Variants in PDCD1 observed in about 807,000 individuals in gnomAD.
The protein encoded by PDCD1 is programmed cell death 1, also known as programmed cell death protein 1.
In PDCD1, 10 loss-of-function variants were observed where a neutral mutation model predicts 23.6. The observed-to-expected ratio is 0.42, with a 90% CI of 0.26 to 0.72. The LOEUF (loss-of-function observed/expected upper bound fraction) is 0.72. PDCD1 is among the 30% of genes least tolerant of loss of function. The pLI is 0.24. For missense variants in PDCD1, 313 were observed against 397.8 expected, an observed-to-expected ratio of 0.79 and a Z score of 1.81; for synonymous variants, 168 against 169.3, an observed-to-expected ratio of 0.99 and a Z score of 0.06.
Position 241,852,296 on chromosome 2 carries a change from T to A in PDCD1, c.494A>T (p.Gln165Leu). 6.2e-7 allele frequency: 1 copy of A among 1,610,836 alleles called. No homozygotes were observed. The highest frequency in any genetic ancestry group is 8.5e-7 in the Non-Finnish European group (1 of 1,178,954). ...HPSPSPRPAGQFQTLVVGVVG... is the reference protein window; with the variant it reads ...HPSPSPRPAGLFQTLVVGVVG... Reference sequence around the variant, plus strand: ...GACACCAACCACCAGGGTTTGGAACTGGCCGGCTGGCCTGGGTGAGGGGCT... The same window carrying A: ...GACACCAACCACCAGGGTTTGGAACAGGCCGGCTGGCCTGGGTGAGGGGCT... Residue 165 changes from glutamine to leucine, a missense_variant, in exon 3 of 5, where the codon CAG (glutamine) becomes CTG (leucine). Physicochemically the swap from Gln to Leu is moderately radical, Grantham distance 113. Around this residue, in one of 3 missense-constraint regions of PDCD1, gnomAD observed 158 missense variants for 177.5 expected, o/e 0.89. Transcript: ENST00000334409.
Position 241,852,700 on chromosome 2 carries a change from G to A in PDCD1, c.357C>T (p.Gly119=). The change falls in exon 2 of 5, where the codon GGC becomes GGT. Residue 119 remains glycine (G), a synonymous_variant. Coordinates refer to ENST00000334409, the MANE Select transcript of PDCD1 (RefSeq NM_005018.3). ...SVVRARRNDS[G]TYLCGAISLA... ...GGGAGATGGCCCCACAGAGGTAGGT[G>A]CCGCTGTCATTGCGCCGGGCCCTGA... 1 of 1,613,604 alleles carries A rather than the reference G, an allele frequency of 6.2e-7. No individual in the cohort carries two copies. The highest frequency in any genetic ancestry group is 8.5e-7 in the Non-Finnish European group (1 of 1,179,882).
chr2:241,852,114 G>A, intron 3 of PDCD1, 84 bp downstream of exon 3: 1 of 1,505,300 alleles, frequency 6.6e-7, no homozygotes. Flanking sequence ...GTGGGGTGAG[G>A]GAAGGGTGGA....
intron 1 of PDCD1, among the ~76,000 whole-genome samples, chr2:241,855,547 C>T (rs1389440550): frequency 6.6e-6 from 1 of 152,192 alleles, no homozygotes; most frequent in Non-Finnish European, 1.5e-5. Flanking sequence ...GAGGGCTGTG[C>T]CCTATGCAGG....
chr2:241,858,771 C>T lies in PDCD1; in HGVS notation c.68G>A (p.Trp23Ter), dbSNP rs753651738. Residue 23 changes from tryptophan (W) to a stop codon, truncating the protein, a stop_gained, in exon 1 of 5, where the codon TGG (tryptophan) becomes TAG (stop). Coordinates refer to ENST00000334409, the MANE Select transcript of PDCD1 (RefSeq NM_005018.3). LOFTEE classifies it high-confidence loss of function. ...AVLQLGWRPG[W>*]FLDSPDRPWN... ...CCGCCGACCCCACCTACCTAAGAAC[C>T]ATCCTGGCCGCCAGCCCAGTTGTAG... 3 of 1,591,290 alleles carry T rather than the reference C, an allele frequency of 1.9e-6. No individual in the cohort carries two copies. The highest frequency in any genetic ancestry group is 2.3e-5 in the South Asian group (2 of 87,004).
chr2:241,858,650 C>G, intron 1 of PDCD1, 113 bp downstream of exon 1: 1 of 902,306 alleles, frequency 1.1e-6, no homozygotes, highest in Non-Finnish European at 1.8e-6. Flanking sequence ...TCCGGGACCC[C>G]TGGGCTGCCA....
At chr2:241,858,681 C>T in intron 1 of PDCD1, 82 bp downstream of exon 1, 4 of 1,248,754 alleles carry the variant, frequency 3.2e-6, no homozygotes, top group Non-Finnish European at 4.6e-6. Flanking sequence ...CGCCTCAGCA[C>T]CCCCCGACCT....
chr2:241,855,116 C>T (rs1420074877), intron 1 of PDCD1, among the ~76,000 whole-genome samples: 3 of 151,924 alleles, frequency 2.0e-5, no homozygotes, highest in East Asian at 1.9e-4. Context: ...GCTCCTGTTC[C>T]GCCCCCCCCA....
At chr2:241,858,645 G>C (rs981053245) in intron 1 of PDCD1, 118 bp downstream of exon 1, 1 of 845,546 alleles carries the variant, frequency 1.2e-6, no homozygotes, top group Non-Finnish European at 1.9e-6. Flanking sequence ...CTCGCTCCGG[G>C]ACCCCTGGGC....
Position 241,850,476 on chromosome 2 carries a change from G to A in PDCD1, c.*582C>T. The A allele has an allele frequency of 3.9e-6, 1 of 259,226 alleles. No individual in the cohort carries two copies. The highest frequency in any genetic ancestry group is 7.5e-6 in the Non-Finnish European group (1 of 133,778). 16.1% of individuals were successfully genotyped at this position (259,226 alleles called of 1,614,324 possible). A position where few individuals can be genotyped will look rare whatever the true frequency, so the allele number is the denominator to read the frequency against. ...TTTCCTGCCCTGCCCACCACAGCCA[G>A]GAGCTCTTCTGACCTTCCCTGAAAC... On this transcript the variant is annotated 3_prime_UTR_variant, in exon 5 of 5. Transcript: ENST00000334409.
chr2:241,858,148 C>T (rs1316823409), intron 1 of PDCD1, among the ~76,000 whole-genome samples: 1 of 152,186 alleles, frequency 6.6e-6, no homozygotes, highest in East Asian at 1.9e-4. Context: ...GGGCACAATC[C>T]CCACCCAGGA....
chr2:241,857,980 G>C (rs1317759633), intron 1 of PDCD1, among the ~76,000 whole-genome samples: 1 of 151,922 alleles, frequency 6.6e-6, no homozygotes, highest in African/African-American at 2.4e-5. Context: ...TCCAGGAGCG[G>C]GCTGTGGTCA....
chr2:241,852,136 C>A lies in PDCD1; in HGVS notation c.592+62G>T, dbSNP rs56227119. The A allele has an allele frequency of 3.2e-6, 5 of 1,544,942 alleles. No individual in the cohort carries two copies. The African/African-American group carries it at 5.5e-5, about 17-fold the overall frequency. The stretch of plus-strand genomic sequence containing the variant: ...GAGGGAAGGGTGGAGGAAGGGGAGG[C>A]GGGAGTGAGGGCCGCCAGCAGGGTT... On this transcript the variant is annotated intron_variant, in intron 3 of 4. Coordinates refer to ENST00000334409, the MANE Select transcript of PDCD1 (RefSeq NM_005018.3).
chr2:241,850,729 A>G lies in PDCD1; in HGVS notation c.*329T>C. The G allele has an allele frequency of 1.7e-6, 1 of 593,686 alleles. No homozygotes were observed. Among genetic ancestry groups the G allele is most frequent in the South Asian group, 1.6e-5 (1 of 62,972 alleles). 36.8% of individuals were successfully genotyped at this position (593,686 alleles called of 1,614,324 possible). ...CCTTCAGCCCCGGGCCGCAGGCAGC[A>G]GCAGCAGCAGCAGCAGCAGCAGCAG... is the stretch of plus-strand genomic sequence containing the variant. On this transcript the variant is annotated 3_prime_UTR_variant, in exon 5 of 5. Coordinates refer to ENST00000334409, the MANE Select transcript of PDCD1 (RefSeq NM_005018.3).
In PDCD1 at chr2:241,850,688, A is replaced by G; in HGVS notation, c.*370T>C. On this transcript the variant is annotated 3_prime_UTR_variant, in exon 5 of 5. Coordinates refer to ENST00000334409, the MANE Select transcript of PDCD1 (RefSeq NM_005018.3). Reference sequence around the variant, plus strand: ...TTCAGGCAGGAGGCTCCGGGGCGTCAGGCAGGGCCACGGCGCCTTCAGCCC... The same window carrying G: ...TTCAGGCAGGAGGCTCCGGGGCGTCGGGCAGGGCCACGGCGCCTTCAGCCC... The G allele has an allele frequency of 2.0e-6, 1 of 500,960 alleles. No individual in the cohort carries two copies. Among genetic ancestry groups the G allele is most frequent in the Non-Finnish European group, 3.7e-6 (1 of 268,162 alleles). 31.0% of individuals were successfully genotyped at this position (500,960 alleles called of 1,614,324 possible). A position where few individuals can be genotyped will look rare whatever the true frequency, so the allele number is the denominator to read the frequency against.
intron 1 of PDCD1, among the ~76,000 whole-genome samples, chr2:241,856,435 C>T (rs753534426): frequency 1.3e-5 from 2 of 152,214 alleles, no homozygotes; most frequent in African/African-American, 2.4e-5. Context: ...GTTATTGATT[C>T]TAGGTGAGGG....
intron 1 of PDCD1, among the ~76,000 whole-genome samples, chr2:241,857,970 T>A (rs929952147): frequency 2.0e-5 from 3 of 151,866 alleles, no homozygotes; most frequent in Non-Finnish European, 4.4e-5. Flanking sequence ...GCACAGAGGG[T>A]CCAGGAGCGG....
chr2:241,853,515 G>A lies in PDCD1; in HGVS notation c.77-535C>T, dbSNP rs573519258. The stretch of plus-strand genomic sequence containing the variant: ...ACGTGGTATGGGCATTGCTGCCCTG[G>A]GCAGTGGGCAGTGGGGCCTCCACAT... On this transcript the variant is annotated intron_variant, in intron 1 of 4. Coordinates refer to ENST00000334409, the MANE Select transcript of PDCD1 (RefSeq NM_005018.3). 1.2e-4 allele frequency among the ~76,000 whole-genome samples: 18 copies of A among 152,392 alleles called. No homozygotes were observed. In the East Asian group the frequency reaches 1.9e-3, roughly 16 times the overall value.
rs1700920335 is a variant in PDCD1 at position 241,852,272 on chromosome 2, A to G, written c.518T>C (p.Val173Ala). The change falls in exon 3 of 5, where the codon GTC (valine) becomes GCC (alanine). Residue 173 changes from valine to alanine, a missense_variant. Around this residue, in one of 3 missense-constraint regions of PDCD1, gnomAD observed 158 missense variants for 177.5 expected, o/e 0.89. Transcript: ENST00000334409. ...CAGGCTGCCCAGCAGGCCGCCCACG[A>G]CACCAACCACCAGGGTTTGGAACTG... ...AGQFQTLVVGVVGGLLGSLVL... is the reference protein window; with the variant it reads ...AGQFQTLVVGAVGGLLGSLVL... 4 of 1,611,828 alleles carry G rather than the reference A, an allele frequency of 2.5e-6. No homozygotes were observed. The highest frequency in any genetic ancestry group is 3.4e-6 in the Non-Finnish European group (4 of 1,179,650).
At position 241,858,632 on chromosome 2, in the gene PDCD1, C is replaced by T. The variant is rs1027266371; in HGVS notation, c.76+131G>A. On this transcript the variant is annotated intron_variant, in intron 1 of 4. Coordinates refer to ENST00000334409, the MANE Select transcript of PDCD1 (RefSeq NM_005018.3). ...ACTGAGAGTGAAAGGTCCCTCCAGA[C>T]CCCTCGCTCCGGGACCCCTGGGCTG... The T allele has an allele frequency of 1.2e-5, 9 of 767,376 alleles. No individual in the cohort carries two copies. The African/African-American group carries it at 1.5e-4, about 13-fold the overall frequency. The allele number at this position is 767,376 out of a possible 1,614,324, so 47.5% of individuals were successfully genotyped here.
Sources: gnomAD v4.1 joint callset for allele counts (sites outside exome capture counted in the v4.1 genomes callset) on GRCh38, gnomAD v4.1.1 for gene constraint, gnomAD v4.1.1 regional missense constraint, MANE v1.5 for transcripts, NCBI Gene and HGNC (gene_info 2026-07-23, HGNC 2026-07-21) for gene names.